The following APBA2 variants were observed in gnomAD, a reference collection of about 807,000 sequenced individuals.
The protein encoded by APBA2 is amyloid beta precursor protein binding family A member 2.
Under a neutral mutation model 75.0 loss-of-function variants are expected in APBA2, and 30 were observed. That is an observed-to-expected ratio of 0.40 (90% CI 0.30 to 0.54). The LOEUF (loss-of-function observed/expected upper bound fraction) is 0.54, where lower values mean the gene tolerates loss of function less well. APBA2 is among the 20% of genes least tolerant of loss of function. The probability of loss-of-function intolerance (pLI) is 0.49; values close to 1 mark genes in which losing one functional copy is unlikely to be tolerated. For synonymous variants in APBA2, 444 were observed against 409.6 expected (o/e 1.08, Z -1.01); for missense variants, 801 against 1,016.1 (o/e 0.79, Z 2.88).
At chr15:28,917,453 TC>T in intron 1 of APBA2, among the ~76,000 whole-genome samples, 1 of 152,276 alleles carries the variant, frequency 6.6e-6, no homozygotes, top group African/African-American at 2.4e-5. Flanking sequence ...TATCCCATTC[TC>T]ACATTTAGCC....
intron 2 of APBA2, among the ~76,000 whole-genome samples, chr15:28,926,090 A>G (rs1217953387): frequency 1.3e-5 from 2 of 152,176 alleles, no homozygotes; most frequent in Non-Finnish European, 1.5e-5. Flanking sequence ...GATATCTTGT[A>G]GATAGCATAG....
chr15:28,900,611 C>T (rs905269984), intron 1 of APBA2, among the ~76,000 whole-genome samples: 3 of 152,052 alleles, frequency 2.0e-5, no homozygotes, highest in Non-Finnish European at 4.4e-5. Flanking sequence ...TTTGCTGTGC[C>T]CTTTGTTGCT....
chr15:28,890,493 C>T (rs1374247004), intron 1 of APBA2, among the ~76,000 whole-genome samples: 3 of 152,136 alleles, frequency 2.0e-5, no homozygotes, highest in Non-Finnish European at 2.9e-5. Context: ...GACTCTGTCC[C>T]AGGGCTCCCA....
Position 29,105,477 on chromosome 15 carries a change from G to A in APBA2, c.1623G>A (p.Lys541=), listed in dbSNP as rs1031647436. The stretch of plus-strand genomic sequence containing the variant: ...TCAACCCCGAAGACTTGAGCCAGAA[G>A]GAATACAGCGACATCATCAACACCC... The part of the protein sequence containing the change: ...NGINPEDLSQ[K]EYSDIINTQE... Residue 541 remains lysine, a synonymous_variant, in exon 11 of 15, where the codon AAG becomes AAA. Transcript: ENST00000683413. The A allele has an allele frequency of 9.3e-6, 15 of 1,613,834 alleles. No homozygotes were observed. Among genetic ancestry groups the A allele is most frequent in the Non-Finnish European group, 1.3e-5 (15 of 1,180,052 alleles).
intron 2 of APBA2, among the ~76,000 whole-genome samples, chr15:28,953,845 A>C (rs1412852195): frequency 6.6e-6 from 1 of 151,518 alleles, no homozygotes; most frequent in African/African-American, 2.4e-5. Context: ...CTCGGTCCAC[A>C]CTCCCACCAT....
At chr15:28,898,594 G>A (rs1305990468) in intron 1 of APBA2, among the ~76,000 whole-genome samples, 5 of 152,186 alleles carry the variant, frequency 3.3e-5, no homozygotes, top group Non-Finnish European at 4.4e-5. Context: ...GGGGAGGGAA[G>A]CACAGCTTTT....
chr15:29,018,910 A>T (rs1204052264), intron 3 of APBA2, among the ~76,000 whole-genome samples: 1 of 152,084 alleles, frequency 6.6e-6, no homozygotes, highest in Non-Finnish European at 1.5e-5. Flanking sequence ...GGCTTCTTTA[A>T]CTGGGACATG....
At chr15:29,061,070 G>T (rs1486757300) in intron 4 of APBA2, among the ~76,000 whole-genome samples, 2 of 152,120 alleles carry the variant, frequency 1.3e-5, no homozygotes, top group Non-Finnish European at 2.9e-5. Flanking sequence ...CCACACTCCT[G>T]GGGGGCACCA....
At chr15:29,045,763 G>T (rs920030754) in intron 3 of APBA2, among the ~76,000 whole-genome samples, 5 of 152,130 alleles carry the variant, frequency 3.3e-5, no homozygotes, top group African/African-American at 1.2e-4. Context: ...CTGTGAGTGG[G>T]CATCCATTCC....
intron 2 of APBA2, among the ~76,000 whole-genome samples, chr15:28,951,988 A>T (rs1200397084): frequency 6.7e-6 from 1 of 149,954 alleles, no homozygotes; most frequent in Non-Finnish European, 1.5e-5. Flanking sequence ...TCATGGGTTC[A>T]AGGGATTCTC....
At chr15:29,051,318 G>C (rs567024082) in intron 3 of APBA2, among the ~76,000 whole-genome samples, 1 of 152,236 alleles carries the variant, frequency 6.6e-6, no homozygotes, top group Admixed American at 6.5e-5. Context: ...TTGCGAATGG[G>C]GTGACGGGCC....
chr15:28,937,572 T>C (rs2034948732), intron 2 of APBA2, among the ~76,000 whole-genome samples: 2 of 152,128 alleles, frequency 1.3e-5, no homozygotes, highest in Admixed American at 6.5e-5. Flanking sequence ...GTGAAGTGCC[T>C]GGTCACTAGA....
intron 1 of APBA2, among the ~76,000 whole-genome samples, chr15:28,902,961 C>T (rs1374804362): frequency 6.6e-6 from 1 of 152,248 alleles, no homozygotes; most frequent in East Asian, 1.9e-4. Context: ...TGAAAATGAC[C>T]GGTTTCTCAG....
intron 2 of APBA2, among the ~76,000 whole-genome samples, 193 bp downstream of exon 2, chr15:28,921,942 A>G (rs1004332880): frequency 2.0e-5 from 3 of 152,180 alleles, no homozygotes; most frequent in Non-Finnish European, 4.4e-5. Flanking sequence ...ATACGCTTAC[A>G]TTTATTTTGA....
chr15:28,968,900 C>T (rs1467937395), intron 2 of APBA2, among the ~76,000 whole-genome samples: 8 of 152,050 alleles, frequency 5.3e-5, no homozygotes, highest in African/African-American at 9.7e-5. Flanking sequence ...CATTCTTGAA[C>T]GCTTTGCTGG....
intron 2 of APBA2, among the ~76,000 whole-genome samples, chr15:28,985,755 C>G (rs66544511): frequency 0.34 from 51,417 of 152,172 alleles, 15,561 homozygotes; most frequent in African/African-American, 0.8. Context: ...TAACTGGATC[C>G]GGTTGACTCT....
At position 29,095,302 on chromosome 15, in the gene APBA2, G is replaced by A. The variant is rs8043529; in HGVS notation, c.1251+989G>A. On this transcript the variant is annotated intron_variant, in intron 8 of 14. Coordinates refer to ENST00000683413, the MANE Select transcript of APBA2 (RefSeq NM_001353788.2). ...AAATTAGCCAGGCATGGTGGTACAT[G>A]CCTGTAATTCCAGATACTCGGGAGG... 3.3e-3 allele frequency among the ~76,000 whole-genome samples: 509 copies of A among 152,172 alleles called. 2 individuals are homozygous for A. Among genetic ancestry groups the A allele is most frequent in the African/African-American group, 0.012 (490 of 41,520 alleles).
intron 3 of APBA2, among the ~76,000 whole-genome samples, chr15:29,001,459 C>A (rs964170622): frequency 2.6e-5 from 4 of 152,210 alleles, no homozygotes; most frequent in South Asian, 2.1e-4. Flanking sequence ...GGTCCTCCCA[C>A]GTGGGCCTCC....
intron 2 of APBA2, among the ~76,000 whole-genome samples, chr15:28,939,373 A>G (rs1595508677): frequency 6.6e-6 from 1 of 152,184 alleles, no homozygotes. Context: ...GGATATACCC[A>G]GAAGTGGAAT....
Sources: gnomAD v4.1 joint callset for allele counts (sites outside exome capture counted in the v4.1 genomes callset) on GRCh38, gnomAD v4.1.1 for gene constraint, MANE v1.5 for transcripts, NCBI Gene and HGNC (gene_info 2026-07-23, HGNC 2026-07-21) for gene names.